The following KLHDC10 variants were observed in gnomAD, a reference collection of about 807,000 sequenced individuals.
The protein encoded by KLHDC10 is kelch domain containing 10, also known as kelch domain-containing protein 10.
KLHDC10 carries 24 observed loss-of-function variants against 56.1 expected under a neutral mutation model. That is an observed-to-expected ratio of 0.43 (90% CI 0.31 to 0.60). The LOEUF is 0.60. KLHDC10 is among the 20% of genes least tolerant of loss of function. The pLI is 0.11. For synonymous variants in KLHDC10, 188 were observed against 207.1 expected (o/e 0.91, Z 0.79); for missense variants, 349 against 567.0 (o/e 0.62, Z 3.91).
chr7:130,090,856 A>G (rs74964382), intron 1 of KLHDC10, among the ~76,000 whole-genome samples: 1 of 151,990 alleles, frequency 6.6e-6, no homozygotes, highest in Non-Finnish European at 1.5e-5. Context: ...GTCAAGATAC[A>G]GAACAGTTCC....
intron 1 of KLHDC10, among the ~76,000 whole-genome samples, chr7:130,086,954 A>G (rs1406422314): frequency 1.3e-5 from 2 of 152,226 alleles, no homozygotes; most frequent in Non-Finnish European, 2.9e-5. Flanking sequence ...TATCCCTATA[A>G]TAATATTAGC....
rs1053631860 is a variant in KLHDC10 at position 130,120,100 on chromosome 7, C to T, written c.476-649C>T. Among the ~76,000 whole-genome samples the T allele has an allele frequency of 4.6e-5, 7 of 152,246 alleles. No homozygotes were observed. The South Asian group carries it at 1.2e-3, about 27-fold the overall frequency. On this transcript the variant is annotated intron_variant, in intron 3 of 9. Coordinates refer to ENST00000335420, the MANE Select transcript of KLHDC10 (RefSeq NM_014997.4). The surrounding 1 kb of genome is among the most constrained non-coding windows in gnomAD (Gnocchi z 5.1). ...AATTGTAAATTTAGAAATCATTCTCCTGGCAAAAACAGAATGTCCCTTTAG... is the reference window on the plus strand; with the variant it reads ...AATTGTAAATTTAGAAATCATTCTCTTGGCAAAAACAGAATGTCCCTTTAG...
intron 2 of KLHDC10, among the ~76,000 whole-genome samples, chr7:130,113,821 G>T (rs966357103): frequency 6.6e-5 from 10 of 152,090 alleles, no homozygotes; most frequent in African/African-American, 1.2e-4. Context: ...TTTCATATTT[G>T]CCCAAAAGCA....
At chr7:130,094,141 G>A (rs1190078602) in intron 1 of KLHDC10, among the ~76,000 whole-genome samples, 3 of 151,996 alleles carry the variant, frequency 2.0e-5, no homozygotes, top group African/African-American at 7.2e-5. Context: ...GGCCAGGCTG[G>A]TCTCAAACTC....
intron 2 of KLHDC10, among the ~76,000 whole-genome samples, chr7:130,108,803 T>G (rs965058795): frequency 9.2e-5 from 14 of 152,130 alleles, no homozygotes; most frequent in African/African-American, 3.1e-4. Flanking sequence ...TGTTATTTTG[T>G]CTTTTACTTT....
At chr7:130,089,424 G>A (rs956529389) in intron 1 of KLHDC10, among the ~76,000 whole-genome samples, 15 of 152,204 alleles carry the variant, frequency 9.9e-5, no homozygotes, top group African/African-American at 3.1e-4. Context: ...TAGACCCTGT[G>A]TCTACTTCTC....
chr7:130,075,573 G>A (rs1795486411), intron 1 of KLHDC10, among the ~76,000 whole-genome samples: 2 of 152,008 alleles, frequency 1.3e-5, no homozygotes, highest in African/African-American at 4.8e-5. Context: ...TGTTTGGATG[G>A]GTATTTAAGA....
At chr7:130,080,758 A>G (rs1795591953) in intron 1 of KLHDC10, among the ~76,000 whole-genome samples, 1 of 152,098 alleles carries the variant, frequency 6.6e-6, no homozygotes, top group Non-Finnish European at 1.5e-5. Context: ...GGTAGCTTTG[A>G]TAATTTATGT....
intron 1 of KLHDC10, among the ~76,000 whole-genome samples, chr7:130,077,008 A>G (rs965565448): frequency 2.0e-5 from 3 of 152,136 alleles, no homozygotes; most frequent in African/African-American, 7.2e-5. Context: ...GAGATAATTG[A>G]CATCGTTTTG....
chr7:130,126,433 T>C (rs1194553586), intron 7 of KLHDC10, among the ~76,000 whole-genome samples: 1 of 152,206 alleles, frequency 6.6e-6, no homozygotes. Flanking sequence ...CCCAGCACTT[T>C]GGAAGGCCGA....
chr7:130,078,777 C>T (rs1429260809), intron 1 of KLHDC10, among the ~76,000 whole-genome samples: 4 of 152,208 alleles, frequency 2.6e-5, no homozygotes, highest in African/African-American at 4.8e-5. Context: ...CTCGGCCTCC[C>T]GAAGTGTTGG....
At chr7:130,074,971 CAA>C (rs1795477880) in intron 1 of KLHDC10, among the ~76,000 whole-genome samples, 1 of 152,138 alleles carries the variant, frequency 6.6e-6, no homozygotes, top group Non-Finnish European at 1.5e-5. Context: ...ACAGCACAAA[CAA>C]TAGTTTGTGA....
intron 1 of KLHDC10, among the ~76,000 whole-genome samples, chr7:130,075,529 C>G (rs1419819190): frequency 6.6e-6 from 1 of 151,978 alleles, no homozygotes; most frequent in Non-Finnish European, 1.5e-5. Flanking sequence ...TCAGGGGGGA[C>G]GGGAGGGACT....
chr7:130,109,292 G>A (rs889562989), intron 2 of KLHDC10, among the ~76,000 whole-genome samples: 3 of 150,546 alleles, frequency 2.0e-5, no homozygotes, highest in African/African-American at 7.3e-5. Context: ...TGAAGTGCAG[G>A]GGTGCAATCA....
rs536491517 is a variant in KLHDC10 at position 130,090,038 on chromosome 7, C to T, written c.167-6883C>T. Among the ~76,000 whole-genome samples the T allele has an allele frequency of 6.6e-4, 100 of 152,136 alleles. 1 individual carries two copies. The South Asian group carries it at 7.1e-3, about 11-fold the overall frequency. On this transcript the variant is annotated intron_variant, in intron 1 of 9. Coordinates refer to ENST00000335420, the MANE Select transcript of KLHDC10 (RefSeq NM_014997.4). ...CTGGGATTACAGGCATGCACCACCA[C>T]GCCTGGCTAATTTTGTATTTTTTTT... is the stretch of plus-strand genomic sequence containing the variant.
At chr7:130,105,587 A>G (rs1272513452) in intron 2 of KLHDC10, among the ~76,000 whole-genome samples, 1 of 152,210 alleles carries the variant, frequency 6.6e-6, no homozygotes, top group East Asian at 1.9e-4. Context: ...TATTGTTTAG[A>G]GATGCATACC....
At chr7:130,076,430 A>G (rs1353034335) in intron 1 of KLHDC10, among the ~76,000 whole-genome samples, 3 of 152,064 alleles carry the variant, frequency 2.0e-5, no homozygotes, top group African/African-American at 7.2e-5. Context: ...TTTATGGTCT[A>G]TTTTTTCATC....
intron 1 of KLHDC10, among the ~76,000 whole-genome samples, chr7:130,078,289 G>A (rs62491310): frequency 0.054 from 8,158 of 151,864 alleles, 294 homozygotes; most frequent in South Asian, 0.094. Flanking sequence ...CAGGAGAATC[G>A]CTTGAACCCT....
At chr7:130,112,959 T>G (rs1796121161) in intron 2 of KLHDC10, among the ~76,000 whole-genome samples, 1 of 152,148 alleles carries the variant, frequency 6.6e-6, no homozygotes, top group Admixed American at 6.5e-5. Flanking sequence ...AAATTAAAAT[T>G]TTTCCAGTAC....
Sources: gnomAD v4.1 joint callset for allele counts (sites outside exome capture counted in the v4.1 genomes callset) on GRCh38, gnomAD v4.1.1 for gene constraint, Gnocchi (gnomAD v3.1) non-coding constraint, MANE v1.5 for transcripts, NCBI Gene and HGNC (gene_info 2026-07-23, HGNC 2026-07-21) for gene names.